The following CACUL1 variants were observed in gnomAD, a reference collection of about 807,000 sequenced individuals.
CACUL1 encodes the protein CDK2 associated cullin domain 1.
A neutral mutation model predicts 45.2 loss-of-function variants in CACUL1; 13 were observed. The ratio of observed to expected loss-of-function variants is 0.29; its 90% CI spans 0.19 to 0.46. CACUL1 has a LOEUF of 0.46. Among genes scored for constraint, CACUL1 ranks in the 20% least tolerant of loss-of-function variants. The probability of loss-of-function intolerance (pLI) is 1.00; values close to 1 mark genes in which losing one functional copy is unlikely to be tolerated. For missense variants in CACUL1, 421 were observed against 471.4 expected, an observed-to-expected ratio of 0.89 and a Z score of 0.99; for synonymous variants, 197 against 174.2, an observed-to-expected ratio of 1.13 and a Z score of -1.03.
At chr10:118,726,326 C>T (rs1845651137) in intron 3 of CACUL1, 1 of 1,288,256 alleles carries the variant, frequency 7.8e-7, no homozygotes. Context: ...AATTATGCTA[C>T]TCTTTCCATT....
chr10:118,699,312 A>C (rs1845354096), intron 5 of CACUL1, among the ~76,000 whole-genome samples: 1 of 152,206 alleles, frequency 6.6e-6, no homozygotes, highest in Admixed American at 6.5e-5. Context: ...TTTTCTGTTT[A>C]CTTGGAAATA....
At chr10:118,745,206 A>C (rs1300339889) in intron 1 of CACUL1, among the ~76,000 whole-genome samples, 4 of 152,312 alleles carry the variant, frequency 2.6e-5, no homozygotes, top group African/African-American at 4.8e-5. Context: ...AGAGCAAAAC[A>C]ACCATGCTAA....
rs376453440 is a variant in CACUL1, at chr10:118,746,151, C to CAAAAAAAAAA, written c.367+8235_367+8244dup. 1.8e-3 allele frequency among the ~76,000 whole-genome samples: 163 copies of CAAAAAAAAAA among 91,234 alleles called. 3 individuals carry two copies. The highest frequency in any genetic ancestry group is 4.6e-3 in the African/African-American group (126 of 27,144). 59.9% of individuals were successfully genotyped at this position (91,234 alleles called of 152,430 possible). A position where few individuals can be genotyped will look rare whatever the true frequency, so the allele number is the denominator to read the frequency against. On this transcript the variant is annotated intron_variant, in intron 1 of 8. Transcript: ENST00000369151. ...TGGGCAACAGAGCGAGACACTGTCT[C>CAAAAAAAAAA]AAAAAAAAAAAAAAAGGAGTCTTTA...
chr10:118,724,681 G>T (rs1184617807), intron 3 of CACUL1, among the ~76,000 whole-genome samples: 2 of 152,166 alleles, frequency 1.3e-5, no homozygotes, highest in Non-Finnish European at 2.9e-5. Context: ...CCAATTAAAA[G>T]AATATTCCAC....
chr10:118,754,592 C>G lies in CACUL1; in HGVS notation c.171G>C (p.Leu57=). The change falls in exon 1 of 9, where the codon CTG becomes CTC. Residue 57 remains leucine (L), a synonymous_variant. Coordinates refer to ENST00000369151, the MANE Select transcript of CACUL1 (RefSeq NM_153810.5). ...CCACGGAGACCGCGGGCACCGCCAG[C>G]AGCTGCCCCCCCGGAGGCTCTCGGG... ...APAREPPGGQ[L]LAVPAVSVDR... The G allele has an allele frequency of 6.2e-7, 1 of 1,609,196 alleles. No individual in the cohort carries two copies. Among genetic ancestry groups the G allele is most frequent in the Non-Finnish European group, 8.5e-7 (1 of 1,177,948 alleles).
At chr10:118,733,436 C>A (rs1443166591) in intron 1 of CACUL1, among the ~76,000 whole-genome samples, 1 of 152,122 alleles carries the variant, frequency 6.6e-6, no homozygotes, top group Non-Finnish European at 1.5e-5. Context: ...ACCTTATATG[C>A]TAGCTAACAT....
At chr10:118,694,083 C>A (rs370167013) in intron 6 of CACUL1, among the ~76,000 whole-genome samples, 1 of 152,194 alleles carries the variant, frequency 6.6e-6, no homozygotes, top group Non-Finnish European at 1.5e-5. Context: ...CCAGGATGGT[C>A]TGGATCTCCT....
chr10:118,723,626 C>T (rs17097992), intron 3 of CACUL1, among the ~76,000 whole-genome samples: 2,737 of 152,226 alleles, frequency 0.018, 39 homozygotes, highest in Non-Finnish European at 0.029. Context: ...TGCCTCATTT[C>T]CTACTATGAC....
chr10:118,753,508 A>G (rs7897617), intron 1 of CACUL1, among the ~76,000 whole-genome samples: 87,872 of 152,116 alleles, frequency 0.58, 26,798 homozygotes, highest in Middle Eastern at 0.7. Context: ...TCAACATCCT[A>G]TCACCACCAC....
intron 6 of CACUL1, among the ~76,000 whole-genome samples, chr10:118,691,829 T>G (rs1201569459): frequency 2.3e-5 from 3 of 129,144 alleles, no homozygotes; most frequent in Non-Finnish European, 4.6e-5. Flanking sequence ...ATCGCACCAC[T>G]GCACTCCAGC....
intron 7 of CACUL1, among the ~76,000 whole-genome samples, chr10:118,691,032 C>T (rs371117910): frequency 1.5e-4 from 23 of 152,156 alleles, no homozygotes; most frequent in Non-Finnish European, 2.8e-4. Context: ...GCCTAGAAAA[C>T]GGAGCAAGAC....
chr10:118,735,873 CTTT>C (rs1845735393), intron 1 of CACUL1, among the ~76,000 whole-genome samples: 2 of 152,016 alleles, frequency 1.3e-5, no homozygotes, highest in African/African-American at 4.8e-5. Context: ...TTATGAATGA[CTTT>C]TTAATTAATT....
chr10:118,697,104 T>G (rs1589603807), intron 5 of CACUL1, among the ~76,000 whole-genome samples: 1 of 152,374 alleles, frequency 6.6e-6, no homozygotes, highest in East Asian at 1.9e-4. Flanking sequence ...GATTTTCTAG[T>G]TAATCTCCCC....
intron 3 of CACUL1, among the ~76,000 whole-genome samples, chr10:118,724,366 C>G (rs1845631926): frequency 6.6e-6 from 1 of 152,060 alleles, no homozygotes; most frequent in East Asian, 1.9e-4. Flanking sequence ...TTTGTTAGTC[C>G]TGTGGTCTGA....
chr10:118,747,042 G>A (rs907640168), intron 1 of CACUL1, among the ~76,000 whole-genome samples: 1 of 152,034 alleles, frequency 6.6e-6, no homozygotes, highest in African/African-American at 2.4e-5. Context: ...ATTCTCAAAG[G>A]AGCGCCAACC....
rs1845203556 is a variant in CACUL1, at chr10:118,686,185, A to ATTT, written c.1070-18_1070-17insAAA. On this transcript the variant is annotated splice_polypyrimidine_tract_variant and intron_variant, in intron 8 of 8. Coordinates refer to ENST00000369151, the MANE Select transcript of CACUL1 (RefSeq NM_153810.5). ...ACGAGCTATCTGAAAAAACATCAGAATAGGAAAAAGTATGAAGAGCAGACA... is the reference window on the plus strand; with the variant it reads ...ACGAGCTATCTGAAAAAACATCAGAATTTTAGGAAAAAGTATGAAGAGCAGACA... 3 of 1,607,238 alleles carry ATTT rather than the reference A, an allele frequency of 1.9e-6. No homozygotes were observed. Among genetic ancestry groups the ATTT allele is most frequent in the Non-Finnish European group, 2.6e-6 (3 of 1,174,036 alleles).
At chr10:118,704,430 C>T (rs1845414382) in intron 4 of CACUL1, among the ~76,000 whole-genome samples, 1 of 152,152 alleles carries the variant, frequency 6.6e-6, no homozygotes, top group Non-Finnish European at 1.5e-5. Context: ...AGACAGAAGG[C>T]AGTCAAATGC....
chr10:118,690,166 T>C (rs901605256), intron 7 of CACUL1, among the ~76,000 whole-genome samples: 7 of 151,794 alleles, frequency 4.6e-5, no homozygotes, highest in Non-Finnish European at 7.4e-5. Flanking sequence ...CCGGGCGCGG[T>C]GGCGGGCGCC....
At chr10:118,724,763 ATATAT>A (rs1356598238) in intron 3 of CACUL1, among the ~76,000 whole-genome samples, 39 of 152,338 alleles carry the variant, frequency 2.6e-4, no homozygotes, top group Middle Eastern at 3.4e-3. Flanking sequence ...ACAGAGCAAG[ATATAT>A]TATAGTATTC....
Sources: allele counts gnomAD v4.1 joint callset (sites outside exome capture counted in the v4.1 genomes callset), GRCh38; gene constraint gnomAD v4.1.1; transcripts MANE v1.5; gene names NCBI Gene and HGNC (gene_info 2026-07-23, HGNC 2026-07-21).